Variants in APP observed in about 807,000 individuals in gnomAD.
APP encodes amyloid beta precursor protein.
In APP, 31 loss-of-function variants were observed where a neutral mutation model predicts 101.4. That is an observed-to-expected ratio of 0.31 (90% confidence interval 0.23 to 0.41). The LOEUF (loss-of-function observed/expected upper bound fraction) is 0.41, where lower values mean the gene tolerates loss of function less well. APP is among the 10% of genes least tolerant of loss of function. The probability of loss-of-function intolerance (pLI) is 1.00; values close to 1 mark genes in which losing one functional copy is unlikely to be tolerated. For missense variants in APP, 839 were observed against 1,003.7 expected (o/e 0.84, Z 2.22); for synonymous variants, 366 against 364.4 (o/e 1.00, Z -0.05).
At chr21:25,914,249 AC>A (rs1374756548) in intron 13 of APP, among the ~76,000 whole-genome samples, 1 of 151,280 alleles carries the variant, frequency 6.6e-6, no homozygotes, top group African/African-American at 2.4e-5. Context: ...GCTTTTCCAC[AC>A]CACCCTCACC....
intron 11 of APP, among the ~76,000 whole-genome samples, chr21:25,969,418 A>AGTG (rs1162836148): frequency 6.6e-6 from 1 of 151,848 alleles, no homozygotes; most frequent in Non-Finnish European, 1.5e-5. Context: ...TGCAGACCTA[A>AGTG]GTGCCAGGTC....
intron 1 of APP, among the ~76,000 whole-genome samples, chr21:26,163,398 A>C (rs2063540704): frequency 6.6e-6 from 1 of 152,172 alleles, no homozygotes; most frequent in East Asian, 1.9e-4. Context: ...TTTGGGGTCC[A>C]TCATTAATAA....
chr21:26,148,013 C>G (rs1375599180), intron 1 of APP, among the ~76,000 whole-genome samples: 1 of 152,132 alleles, frequency 6.6e-6, no homozygotes, highest in Non-Finnish European at 1.5e-5. Context: ...GAAAAATGCA[C>G]TGATAAAATG....
At chr21:26,051,359 G>C (rs531778906) in intron 4 of APP, among the ~76,000 whole-genome samples, 166 bp from the exon 5 acceptor site, 1 of 149,882 alleles carries the variant, frequency 6.7e-6, no homozygotes, top group East Asian at 2.0e-4. Context: ...ATTTTTTTTA[G>C]CATGGGTTAC....
chr21:26,017,423 AAAAAAT>A (rs1328275636), intron 6 of APP, among the ~76,000 whole-genome samples: 1 of 150,738 alleles, frequency 6.6e-6, no homozygotes, highest in Non-Finnish European at 1.5e-5. Context: ...AAAAAAAAAA[AAAAAAT>A]TTAAATTACA....
chr21:26,142,702 G>A (rs950259470), intron 1 of APP, among the ~76,000 whole-genome samples: 5 of 152,040 alleles, frequency 3.3e-5, no homozygotes, highest in Admixed American at 1.3e-4. Flanking sequence ...CCAGGAAGCC[G>A]AGGCTGCAGT....
At chr21:26,101,617 T>G (rs995263847) in intron 2 of APP, among the ~76,000 whole-genome samples, 6 of 152,302 alleles carry the variant, frequency 3.9e-5, no homozygotes, top group African/African-American at 1.4e-4. Flanking sequence ...CACCTCAGGA[T>G]ATCATGAATG....
chr21:26,053,499 T>C, intron 3 of APP, 151 bp from the exon 4 acceptor site: 1 of 634,290 alleles, frequency 1.6e-6, no homozygotes, highest in Non-Finnish European at 2.9e-6. Flanking sequence ...CTTTAGAATG[T>C]TACGTCTGGC....
chr21:26,094,108 C>T (rs532769679), intron 2 of APP, among the ~76,000 whole-genome samples: 1 of 143,458 alleles, frequency 7.0e-6, no homozygotes, highest in East Asian at 2.1e-4. Flanking sequence ...GAGCGAGACT[C>T]GGTCTCAAAA....
intron 1 of APP, among the ~76,000 whole-genome samples, chr21:26,128,324 T>C (rs1454340063): frequency 6.6e-6 from 1 of 152,238 alleles, no homozygotes; most frequent in Non-Finnish European, 1.5e-5. Context: ...ATAAGGTTCA[T>C]GAAGTCCACT....
At chr21:25,914,212 C>T (rs191419169) in intron 13 of APP, among the ~76,000 whole-genome samples, 1 of 152,050 alleles carries the variant, frequency 6.6e-6, no homozygotes, top group Non-Finnish European at 1.5e-5. Flanking sequence ...CATTCTATTT[C>T]TGAATTCTCT....
At chr21:26,050,193 A>G (rs908841617) in intron 5 of APP, among the ~76,000 whole-genome samples, 8 of 152,148 alleles carry the variant, frequency 5.3e-5, no homozygotes, top group Admixed American at 5.2e-4. Flanking sequence ...TAAACTTACA[A>G]CTCCTATTGA....
At chr21:26,062,757 ATATTTTT>A (rs995869564) in intron 3 of APP, among the ~76,000 whole-genome samples, 10 of 151,814 alleles carry the variant, frequency 6.6e-5, no homozygotes, top group Admixed American at 2.0e-4. Flanking sequence ...AAATTTTTTT[ATATTTTT>A]TATTTTTTAT....
intron 13 of APP, chr21:25,941,659 A>T (rs1189693255): frequency 1.3e-5 from 2 of 152,204 alleles, no homozygotes; most frequent in East Asian, 3.9e-4. Context: ...TATTTTTAGT[A>T]GAGATGGGGT....
chr21:26,018,748 C>T (rs142934821), intron 6 of APP, among the ~76,000 whole-genome samples: 1 of 152,264 alleles, frequency 6.6e-6, no homozygotes, highest in African/African-American at 2.4e-5. Flanking sequence ...CTCTCAATGA[C>T]CAGGTATCTT....
intron 13 of APP, chr21:25,937,841 C>G (rs2146420215): frequency 6.6e-6 from 1 of 152,424 alleles, no homozygotes; most frequent in East Asian, 1.9e-4. Context: ...GCCGCCAGGC[C>G]TCACTGCAAC....
chr21:26,027,020 G>T (rs2044609118), intron 5 of APP, among the ~76,000 whole-genome samples: 1 of 152,174 alleles, frequency 6.6e-6, no homozygotes, highest in Non-Finnish European at 1.5e-5. Flanking sequence ...AAACAATAAA[G>T]TCTATATTTA....
intron 3 of APP, among the ~76,000 whole-genome samples, chr21:26,068,541 A>G (rs981582338): frequency 4.0e-5 from 6 of 151,410 alleles, no homozygotes; most frequent in African/African-American, 1.5e-4. Flanking sequence ...TTTTTTAATT[A>G]TTTTTTGTAG....
intron 14 of APP, among the ~76,000 whole-genome samples, chr21:25,909,038 C>T (rs2038929847): frequency 1.3e-5 from 2 of 151,842 alleles, no homozygotes; most frequent in Admixed American, 1.3e-4. Context: ...CTGAGGCGGG[C>T]GGATCACGAG....
Sources: allele counts gnomAD v4.1 joint callset (sites outside exome capture counted in the v4.1 genomes callset), GRCh38; gene constraint gnomAD v4.1.1; transcripts MANE v1.5; gene names NCBI Gene and HGNC (gene_info 2026-07-23, HGNC 2026-07-21).